Variants in TMEM163 observed in about 807,000 individuals in gnomAD.
TMEM163 encodes transmembrane protein 163.
Under a neutral mutation model 29.3 loss-of-function variants are expected in TMEM163, and 17 were observed. That is an observed-to-expected ratio of 0.58 (90% CI 0.40 to 0.87). The LOEUF (loss-of-function observed/expected upper bound fraction) is 0.87, where lower values mean the gene tolerates loss of function less well. Ranked by LOEUF, TMEM163 falls within the 40% of genes least tolerant of loss-of-function variation. TMEM163 has a pLI of 0.00. For synonymous variants in TMEM163, 157 were observed against 160.6 expected, an observed-to-expected ratio of 0.98 and a Z score of 0.17; for missense variants, 303 against 381.5, an observed-to-expected ratio of 0.79 and a Z score of 1.71.
intron 2 of TMEM163, among the ~76,000 whole-genome samples, chr2:134,617,332 C>T (rs549254962): frequency 1.3e-5 from 2 of 152,036 alleles, no homozygotes; most frequent in Admixed American, 1.3e-4. Flanking sequence ...AGGAATTGGC[C>T]AGGTGCACTG....
rs200527414 is a variant in TMEM163 at position 134,521,012 on chromosome 2, T to TTTG, written c.459-18016_459-18015insCAA. On this transcript the variant is annotated intron_variant, in intron 4 of 7. Transcript: ENST00000281924. ...GCAAGGGCCTTGGGAACTTTTTTTTTTTTTGAGAGGCAGCCTCCTTCTGTC... is the reference window on the plus strand; with the variant it reads ...GCAAGGGCCTTGGGAACTTTTTTTTTTTGTTTTGAGAGGCAGCCTCCTTCTGTC... Among the ~76,000 whole-genome samples the TTTG allele has an allele frequency of 3.7e-3, 562 of 150,420 alleles. 2 individuals carry two copies. The highest frequency in any genetic ancestry group is 0.012 in the African/African-American group (472 of 40,514).
At chr2:134,558,940 C>T (rs1377770659) in intron 2 of TMEM163, among the ~76,000 whole-genome samples, 1 of 152,190 alleles carries the variant, frequency 6.6e-6, no homozygotes, top group Non-Finnish European at 1.5e-5. Context: ...ACAACCTCAC[C>T]TCCAGCCATG....
At chr2:134,713,431 C>A in intron 1 of TMEM163, 112 bp from the exon 2 acceptor site, 1 of 1,485,022 alleles carries the variant, frequency 6.7e-7, no homozygotes. Flanking sequence ...TGGGCCAAGA[C>A]GTGTTTTGTT....
At chr2:134,480,924 A>G (rs1687037929) in intron 5 of TMEM163, among the ~76,000 whole-genome samples, 1 of 152,212 alleles carries the variant, frequency 6.6e-6, no homozygotes, top group Non-Finnish European at 1.5e-5. Flanking sequence ...TGTCAATGGT[A>G]ATACCAGTTT....
chr2:134,517,114 G>A (rs1183268817), intron 4 of TMEM163, among the ~76,000 whole-genome samples: 1 of 127,074 alleles, frequency 7.9e-6, no homozygotes, highest in African/African-American at 3.0e-5. Context: ...TTCCATCATT[G>A]GGACCTCTGG....
At chr2:134,659,358 G>A (rs1480468508) in intron 2 of TMEM163, among the ~76,000 whole-genome samples, 2 of 152,194 alleles carry the variant, frequency 1.3e-5, no homozygotes, top group African/African-American at 4.8e-5. Context: ...TTTAAAGTCT[G>A]AGAGTCCAAG....
At chr2:134,575,120 A>G (rs1028561868) in intron 2 of TMEM163, among the ~76,000 whole-genome samples, 16 of 152,090 alleles carry the variant, frequency 1.1e-4, no homozygotes, top group African/African-American at 3.9e-4. Flanking sequence ...AAGGGAACGC[A>G]ATGACCTTCT....
At chr2:134,519,519 G>A (rs561103570) in intron 4 of TMEM163, among the ~76,000 whole-genome samples, 273 of 152,138 alleles carry the variant, frequency 1.8e-3, no homozygotes, top group Admixed American at 4.6e-3. Flanking sequence ...AGACCATCCT[G>A]GCTAACACAG....
rs1002787571 is a variant in TMEM163, at chr2:134,516,703, T to G, written c.459-13706A>C. On this transcript the variant is annotated intron_variant, in intron 4 of 7. Coordinates refer to ENST00000281924, the MANE Select transcript of TMEM163 (RefSeq NM_030923.5). ...CATATATGCATATATATGCATATAT[T>G]CATATATACATATATATTCATATAT... 7.6e-4 allele frequency among the ~76,000 whole-genome samples: 82 copies of G among 107,274 alleles called. 1 individual carries two copies. The highest frequency in any genetic ancestry group is 0.013 in the Middle Eastern group (2 of 152). 70.4% of individuals were successfully genotyped at this position (107,274 alleles called of 152,430 possible). A position where few individuals can be genotyped will look rare whatever the true frequency, so the allele number is the denominator to read the frequency against.
chr2:134,600,250 G>A (rs1011770065), intron 2 of TMEM163, among the ~76,000 whole-genome samples: 2 of 152,216 alleles, frequency 1.3e-5, no homozygotes, highest in East Asian at 1.9e-4. Context: ...CACAGGTAAT[G>A]AAGGTGAATG....
chr2:134,477,016 T>G (rs1364263689), intron 5 of TMEM163, among the ~76,000 whole-genome samples: 1 of 152,202 alleles, frequency 6.6e-6, no homozygotes, highest in African/African-American at 2.4e-5. Context: ...GTAGGAACCC[T>G]CTTCCCACTG....
intron 2 of TMEM163, among the ~76,000 whole-genome samples, chr2:134,607,791 G>A (rs1180491733): frequency 8.0e-5 from 4 of 49,900 alleles, no homozygotes; most frequent in Non-Finnish European, 4.0e-5. Context: ...GAACTGTACT[G>A]GTGAAAAGGA....
At chr2:134,575,168 G>T (rs892424190) in intron 2 of TMEM163, among the ~76,000 whole-genome samples, 2 of 152,198 alleles carry the variant, frequency 1.3e-5, no homozygotes, top group Admixed American at 1.3e-4. Flanking sequence ...AGCTTGAGTG[G>T]GAAGAATCGA....
At chr2:134,701,882 C>T (rs1045424999) in intron 2 of TMEM163, among the ~76,000 whole-genome samples, 2 of 145,452 alleles carry the variant, frequency 1.4e-5, no homozygotes, top group African/African-American at 5.2e-5. Flanking sequence ...CACGCCACTG[C>T]ACTCCAGGCT....
intron 2 of TMEM163, among the ~76,000 whole-genome samples, chr2:134,680,834 G>T (rs13391832): frequency 6.6e-6 from 1 of 151,982 alleles, no homozygotes; most frequent in African/African-American, 2.4e-5. Context: ...AGCTGTGATC[G>T]TGGGCAAGTT....
intron 5 of TMEM163, among the ~76,000 whole-genome samples, chr2:134,478,549 G>T (rs947353923): frequency 1.3e-5 from 2 of 152,212 alleles, no homozygotes; most frequent in Non-Finnish European, 2.9e-5. Flanking sequence ...GTGGAAGTTT[G>T]AACTTAAGAG....
At chr2:134,701,173 A>AAATT (rs1414732607) in intron 2 of TMEM163, among the ~76,000 whole-genome samples, 1 of 151,976 alleles carries the variant, frequency 6.6e-6, no homozygotes, top group Non-Finnish European at 1.5e-5. Context: ...AAATATAAAA[A>AAATT]AGTAAAACCA....
At chr2:134,578,936 C>T (rs571273227) in intron 2 of TMEM163, among the ~76,000 whole-genome samples, 1 of 152,304 alleles carries the variant, frequency 6.6e-6, no homozygotes, top group South Asian at 2.1e-4. Flanking sequence ...GAGCTACAAA[C>T]TTCCATCCTG....
chr2:134,555,533 T>C (rs986649154), intron 2 of TMEM163, among the ~76,000 whole-genome samples: 14 of 152,204 alleles, frequency 9.2e-5, no homozygotes, highest in African/African-American at 4.8e-5. Context: ...GACAATTATG[T>C]TGCAAACTGG....
Sources: allele counts gnomAD v4.1 joint callset (sites outside exome capture counted in the v4.1 genomes callset), GRCh38; gene constraint gnomAD v4.1.1; transcripts MANE v1.5; gene names NCBI Gene and HGNC (gene_info 2026-07-23, HGNC 2026-07-21).